Variants in ABCA13 observed in about 807,000 individuals in gnomAD.
The protein encoded by ABCA13 is ATP-binding cassette sub-family A member 13.
In ABCA13, 476 loss-of-function variants were observed where a neutral mutation model predicts 478.7. The observed-to-expected ratio is 0.99, with a 90% CI of 0.92 to 1.07. The LOEUF is 1.07. ABCA13 is among the 50% of genes least tolerant of loss of function. ABCA13 has a pLI of 0.00. For synonymous variants in ABCA13, 2,252 were observed against 2,158.9 expected, an observed-to-expected ratio of 1.04 and a Z score of -1.20; for missense variants, 6,060 against 5,910.6, an observed-to-expected ratio of 1.03 and a Z score of -0.83.
rs564082862 is a variant in ABCA13, at chr7:48,273,830, TAGC to T, written c.4167_4169del (p.Ser1390del). The T allele has an allele frequency of 3.5e-4, 566 of 1,612,116 alleles. 1 individual carries two copies. The highest frequency in any genetic ancestry group is 4.6e-4 in the Non-Finnish European group (540 of 1,178,942). ...CCACATTTTCCTCTGAGAACACAATTAGCAGTCTGAAAGGATGCATTGTATGGT... is the reference window on the plus strand; with the variant it reads ...CCACATTTTCCTCTGAGAACACAATTAGTCTGAAAGGATGCATTGTATGGT... On this transcript the variant is annotated inframe_deletion, in exon 17 of 62. Coordinates refer to ENST00000435803, the MANE Select transcript of ABCA13 (RefSeq NM_152701.5).
intron 58 of ABCA13, among the ~76,000 whole-genome samples, chr7:48,602,828 A>G (rs770600601): frequency 4.6e-5 from 7 of 151,792 alleles, no homozygotes; most frequent in African/African-American, 1.5e-4. Flanking sequence ...CAGTATGGCC[A>G]TTTTCATGAT....
At chr7:48,522,381 G>A (rs916155883) in intron 53 of ABCA13, among the ~76,000 whole-genome samples, 1 of 152,086 alleles carries the variant, frequency 6.6e-6, no homozygotes, top group Admixed American at 6.5e-5. Flanking sequence ...ATGAATTCAG[G>A]TTTCCATTAG....
intron 11 of ABCA13, 34 bp downstream of exon 11, chr7:48,244,737 C>T (rs1791410729): frequency 6.4e-7 from 1 of 1,551,302 alleles, no homozygotes; most frequent in Non-Finnish European, 8.7e-7. Context: ...GTCCCTGACT[C>T]ACTAAGAGTA....
intron 1 of ABCA13, among the ~76,000 whole-genome samples, chr7:48,174,639 T>C (rs530504937): frequency 2.0e-5 from 3 of 152,306 alleles, no homozygotes; most frequent in African/African-American, 7.2e-5. Flanking sequence ...TTTTTATTTA[T>C]TGTAAAAACA....
chr7:48,279,580 A>G lies in ABCA13; in HGVS notation c.8386A>G (p.Ser2796Gly), dbSNP rs1391395339. The G allele has an allele frequency of 6.2e-7, 1 of 1,613,374 alleles. No homozygotes were observed. The change falls in exon 18 of 62, where the codon AGT becomes GGT. Residue 2796 changes from serine (S) to glycine (G), a missense_variant. Ser to Gly is a moderately conservative substitution (Grantham distance 56, BLOSUM62 0). Transcript: ENST00000435803. ...KSDYEGDLNK[S>G]LYFDTPLSQN... ...TGACTATGAAGGTGATTTGAATAAAAGTTTATATTTTGACACACCTTTGAG... is the reference window on the plus strand; with the variant it reads ...TGACTATGAAGGTGATTTGAATAAAGGTTTATATTTTGACACACCTTTGAG...
At chr7:48,298,958 A>T (rs1799776572) in intron 23 of ABCA13, among the ~76,000 whole-genome samples, 1 of 152,204 alleles carries the variant, frequency 6.6e-6, no homozygotes, top group African/African-American at 2.4e-5. Context: ...TGTGAACGCA[A>T]ATGAGTAATG....
At chr7:48,440,515 C>T (rs905216710) in intron 42 of ABCA13, among the ~76,000 whole-genome samples, 15 of 152,176 alleles carry the variant, frequency 9.9e-5, no homozygotes, top group African/African-American at 3.6e-4. Flanking sequence ...TTAAACTGGA[C>T]ATACACATTA....
intron 29 of ABCA13, among the ~76,000 whole-genome samples, chr7:48,340,075 C>G (rs192845090): frequency 1.3e-5 from 2 of 152,196 alleles, no homozygotes; most frequent in Admixed American, 1.3e-4. Context: ...CCCAATCATG[C>G]TGTCATTTTT....
chr7:48,448,853 A>G (rs1247878003), intron 42 of ABCA13, among the ~76,000 whole-genome samples: 2 of 151,996 alleles, frequency 1.3e-5, no homozygotes, highest in African/African-American at 4.8e-5. Context: ...AGCTTTATTT[A>G]TTTATTTGAG....
chr7:48,568,296 C>A (rs1172617555), intron 55 of ABCA13, among the ~76,000 whole-genome samples: 3 of 152,108 alleles, frequency 2.0e-5, no homozygotes, highest in Admixed American at 6.6e-5. Flanking sequence ...ATCTCAAATT[C>A]TTTTCCTGTT....
chr7:48,292,953 A>G (rs113859082), intron 20 of ABCA13, among the ~76,000 whole-genome samples: 2,637 of 152,350 alleles, frequency 0.017, 40 homozygotes, highest in Middle Eastern at 0.054. Flanking sequence ...ATGAATGAAC[A>G]GTCCTATAGG....
At chr7:48,428,026 C>CA (rs954994833) in intron 42 of ABCA13, among the ~76,000 whole-genome samples, 155 bp downstream of exon 42, 8 of 145,046 alleles carry the variant, frequency 5.5e-5, no homozygotes, top group South Asian at 2.2e-4. Context: ...AGGTCAGAGG[C>CA]AAAAAAAACG....
intron 30 of ABCA13, among the ~76,000 whole-genome samples, chr7:48,351,705 C>T (rs1210927953): frequency 6.6e-6 from 1 of 152,172 alleles, no homozygotes; most frequent in African/African-American, 2.4e-5. Flanking sequence ...GGGGTTAGGA[C>T]TTCTACATAT....
chr7:48,420,610 G>T (rs1221381695), intron 41 of ABCA13, among the ~76,000 whole-genome samples: 1 of 152,036 alleles, frequency 6.6e-6, no homozygotes, highest in Admixed American at 6.5e-5. Context: ...TGATTAGTGG[G>T]TTCCCTTTGT....
intron 39 of ABCA13, among the ~76,000 whole-genome samples, chr7:48,407,964 G>A (rs182624469): frequency 9.0e-4 from 137 of 152,112 alleles, no homozygotes; most frequent in Middle Eastern, 3.4e-3. Context: ...GTATCTTCAG[G>A]GGTCTTAGAA....
At chr7:48,249,418 C>A in intron 15 of ABCA13, 67 bp downstream of exon 15, 1 of 1,589,574 alleles carries the variant, frequency 6.3e-7, no homozygotes, top group Admixed American at 1.7e-5. Context: ...GACATAATTT[C>A]CTGAGAGTCC....
At chr7:48,366,799 C>T (rs1284492770) in intron 31 of ABCA13, among the ~76,000 whole-genome samples, 4 of 152,128 alleles carry the variant, frequency 2.6e-5, no homozygotes, top group African/African-American at 4.8e-5. Context: ...AAGGCTGCAT[C>T]ACCTCTCAAT....
chr7:48,367,932 G>A (rs1018421171), intron 32 of ABCA13, 24 bp downstream of exon 32: 2 of 1,529,096 alleles, frequency 1.3e-6, no homozygotes, highest in African/African-American at 2.8e-5. Flanking sequence ...AACCTTGCCT[G>A]GGAGACAAAG....
At chr7:48,233,306 A>G (rs1223183647) in intron 7 of ABCA13, among the ~76,000 whole-genome samples, 2 of 152,154 alleles carry the variant, frequency 1.3e-5, no homozygotes, top group African/African-American at 4.8e-5. Context: ...GAAACAATCT[A>G]ATTTCTAAAT....
Sources: gnomAD v4.1 joint callset for allele counts (sites outside exome capture counted in the v4.1 genomes callset) on GRCh38, gnomAD v4.1.1 for gene constraint, MANE v1.5 for transcripts, NCBI Gene and HGNC (gene_info 2026-07-23, HGNC 2026-07-21) for gene names.